The following SUGCT variants were observed in gnomAD, a reference collection of about 807,000 sequenced individuals.
The protein encoded by SUGCT is succinyl-CoA:glutarate-CoA transferase.
SUGCT carries 41 observed loss-of-function variants against 55.0 expected under a neutral mutation model. The ratio of observed to expected loss-of-function variants is 0.74; its 90% CI spans 0.58 to 0.97. The LOEUF (loss-of-function observed/expected upper bound fraction) is 0.97, where lower values mean the gene tolerates loss of function less well. Ranked by LOEUF, SUGCT falls within the 50% of genes least tolerant of loss-of-function variation. SUGCT has a pLI of 0.00. For missense variants in SUGCT, 568 were observed against 547.8 expected (o/e 1.04, Z -0.37); for synonymous variants, 187 against 200.4 (o/e 0.93, Z 0.56).
At chr7:40,554,626 G>A (rs1795466604) in intron 12 of SUGCT, among the ~76,000 whole-genome samples, 1 of 152,174 alleles carries the variant, frequency 6.6e-6, no homozygotes, top group African/African-American at 2.4e-5. Context: ...GAAGAGGTGT[G>A]TTGTATTTAT....
chr7:40,384,505 G>GTGGTCTTAC (rs1015424305), intron 9 of SUGCT, among the ~76,000 whole-genome samples: 1 of 151,902 alleles, frequency 6.6e-6, no homozygotes, highest in African/African-American at 2.4e-5. Flanking sequence ...AGTTGACAAG[G>GTGGTCTTAC]TGGTCTTACT....
the SUGCT span, among the ~76,000 whole-genome samples, chr7:40,914,272 C>CTTTTTT: frequency 7.2e-6 from 1 of 139,206 alleles, no homozygotes; most frequent in Non-Finnish European, 1.5e-5. Flanking sequence ...TTATTTTTTT[C>CTTTTTT]TTTTTCTTTT....
At position 40,208,381 on chromosome 7, in the gene SUGCT, A is replaced by G. The variant is rs112641516; in HGVS notation, c.484+13321A>G. ...TGCCACAATTTTAAAAAGTAGAGAA[A>G]AAAAGGAAAGAATAGTCTAAACTAT... On this transcript the variant is annotated intron_variant, in intron 6 of 13. Coordinates refer to ENST00000335693, the MANE Select transcript of SUGCT (RefSeq NM_001193313.2). Among the ~76,000 whole-genome samples the G allele has an allele frequency of 4.2e-4, 64 of 152,346 alleles. 1 individual carries two copies. In the South Asian group the frequency reaches 0.012, roughly 29 times the overall value.
At chr7:40,591,816 T>A (rs28479858) in intron 12 of SUGCT, among the ~76,000 whole-genome samples, 6,401 of 152,320 alleles carry the variant, frequency 0.042, 446 homozygotes, top group African/African-American at 0.15. Context: ...AAAATATTTT[T>A]AAATTAAGAT....
chr7:41,007,172 G>A, the SUGCT span, among the ~76,000 whole-genome samples: 1,145 of 151,084 alleles, frequency 7.6e-3, 3 homozygotes, highest in Non-Finnish European at 0.01. Context: ...TTTTAACTTT[G>A]ATGACAATAA....
rs1290356565 is a variant in SUGCT, at chr7:40,841,911, T to C, written c.1154-18405T>C. Among the ~76,000 whole-genome samples, 5 of 152,166 alleles carry C rather than the reference T, an allele frequency of 3.3e-5. No individual in the cohort carries two copies. The South Asian group carries it at 8.3e-4, about 25-fold the overall frequency. On this transcript the variant is annotated intron_variant, in intron 13 of 13. Transcript: ENST00000335693. ...TTAGTACATAAAAAATAAATGACCATACTCAGATCCACAATGAAACTGTGA... is the reference window on the plus strand; with the variant it reads ...TTAGTACATAAAAAATAAATGACCACACTCAGATCCACAATGAAACTGTGA...
At chr7:40,777,002 C>T (rs1176140779) in intron 13 of SUGCT, among the ~76,000 whole-genome samples, 2 of 152,144 alleles carry the variant, frequency 1.3e-5, no homozygotes, top group African/African-American at 2.4e-5. Context: ...TGCAGTAGAG[C>T]GGTGAAGCAT....
chr7:40,545,363 A>C (rs1794933335), intron 12 of SUGCT, among the ~76,000 whole-genome samples: 1 of 152,158 alleles, frequency 6.6e-6, no homozygotes. Flanking sequence ...CTTCTTTCTT[A>C]CTGGAGCACA....
chr7:40,209,063 AT>A (rs1787181402), intron 6 of SUGCT, among the ~76,000 whole-genome samples: 1 of 152,154 alleles, frequency 6.6e-6, no homozygotes, highest in South Asian at 2.1e-4. Flanking sequence ...GTAAATTGTC[AT>A]TCCTAAAATT....
chr7:40,859,871 T>C (rs912172602), intron 13 of SUGCT, among the ~76,000 whole-genome samples: 7 of 152,204 alleles, frequency 4.6e-5, no homozygotes, highest in Admixed American at 1.3e-4. Flanking sequence ...GAACTAAACC[T>C]TGGAACTACA....
intron 7 of SUGCT, among the ~76,000 whole-genome samples, chr7:40,266,732 G>A (rs1471287787): frequency 6.6e-6 from 1 of 151,908 alleles, no homozygotes; most frequent in Non-Finnish European, 1.5e-5. Flanking sequence ...ATAACCCACT[G>A]GGGGCTGGGC....
At chr7:40,811,898 G>A (rs1294006688) in intron 13 of SUGCT, among the ~76,000 whole-genome samples, 1 of 152,036 alleles carries the variant, frequency 6.6e-6, no homozygotes, top group Non-Finnish European at 1.5e-5. Context: ...GTTGGCTGTA[G>A]GTTTGTCATA....
the SUGCT span, chr7:40,965,128 T>G: frequency 2.6e-5 from 4 of 152,234 alleles, no homozygotes; most frequent in Non-Finnish European, 2.9e-5. Context: ...GTTCAGTGTG[T>G]ATAACATCAC....
At chr7:40,551,131 G>A (rs1475731753) in intron 12 of SUGCT, among the ~76,000 whole-genome samples, 1 of 152,092 alleles carries the variant, frequency 6.6e-6, no homozygotes, top group Non-Finnish European at 1.5e-5. Flanking sequence ...TTGCCCAGCA[G>A]GTTCTCCTAG....
chr7:40,203,073 G>A (rs1265888700), intron 6 of SUGCT, among the ~76,000 whole-genome samples: 1 of 152,254 alleles, frequency 6.6e-6, no homozygotes. Context: ...GGTCTCTGAC[G>A]CTTTTTTGGA....
At position 40,783,134 on chromosome 7, in the gene SUGCT, A is replaced by G. The variant is rs78344388; in HGVS notation, c.1153+33637A>G. 2.4e-4 allele frequency among the ~76,000 whole-genome samples: 37 copies of G among 152,306 alleles called. No homozygotes were observed. In the East Asian group the frequency reaches 6.4e-3, roughly 26 times the overall value. The stretch of plus-strand genomic sequence containing the variant: ...TAGTGAGACACCCAGCCAGAAATGC[A>G]ATGAAATCTGTGTCTTTTGTGACAA... On this transcript the variant is annotated intron_variant, in intron 13 of 13. Coordinates refer to ENST00000335693, the MANE Select transcript of SUGCT (RefSeq NM_001193313.2).
At chr7:40,676,894 CGTGTGTGTGTGTGTGTGT>C (rs3221667) in intron 12 of SUGCT, among the ~76,000 whole-genome samples, 4 of 144,052 alleles carry the variant, frequency 2.8e-5, no homozygotes, top group African/African-American at 7.7e-5. Flanking sequence ...TTCAGAATGA[CGTGTGTGTGTGTGTGTGT>C]GTGTGTGTGT....
At chr7:40,160,611 A>G (rs1784097450) in intron 1 of SUGCT, among the ~76,000 whole-genome samples, 1 of 152,228 alleles carries the variant, frequency 6.6e-6, no homozygotes, top group South Asian at 2.1e-4. Flanking sequence ...TTTACTAAAT[A>G]TGACTGATAA....
chr7:40,601,101 G>A (rs927469495), intron 12 of SUGCT, among the ~76,000 whole-genome samples: 65 of 152,250 alleles, frequency 4.3e-4, no homozygotes, highest in African/African-American at 1.6e-3. Flanking sequence ...ATGGTAGTAG[G>A]CAAACAAAAT....
Sources: allele counts gnomAD v4.1 joint callset (sites outside exome capture counted in the v4.1 genomes callset), GRCh38; gene constraint gnomAD v4.1.1; transcripts MANE v1.5; gene names NCBI Gene and HGNC (gene_info 2026-07-23, HGNC 2026-07-21).